NOTCH2: variants seen among roughly 807,000 people sequenced by gnomAD.
NOTCH2 encodes the protein notch receptor 2.
NOTCH2 carries 29 observed loss-of-function variants against 235.8 expected under a neutral mutation model. That is an observed-to-expected ratio of 0.12 (90% CI 0.09 to 0.17). NOTCH2 has a LOEUF of 0.17. NOTCH2 is among the 10% of genes least tolerant of loss of function. The pLI is 1.00. For synonymous variants in NOTCH2, 1,086 were observed against 1,141.5 expected, an observed-to-expected ratio of 0.95 and a Z score of 0.98; for missense variants, 2,285 against 3,150.2, an observed-to-expected ratio of 0.73 and a Z score of 6.57.
intron 22 of NOTCH2, chr1:119,935,117 T>TGG (rs1649801951): frequency 3.4e-6 from 4 of 1,193,002 alleles, no homozygotes; most frequent in Non-Finnish European, 4.2e-6. Flanking sequence ...AGCAGGTAAA[T>TGG]GTAAATTGTT....
intron 22 of NOTCH2, among the ~76,000 whole-genome samples, chr1:119,932,904 C>T (rs781909140): frequency 5.3e-5 from 8 of 152,076 alleles, no homozygotes; most frequent in Non-Finnish European, 4.4e-5. Context: ...AAAATTTGCC[C>T]ACCAGAAGAG....
Position 119,940,581 on chromosome 1 carries a change from G to C in NOTCH2, c.3157C>G (p.Leu1053Val). The C allele has an allele frequency of 1.2e-6, 2 of 1,613,874 alleles. No homozygotes were observed. The highest frequency in any genetic ancestry group is 1.7e-6 in the Non-Finnish European group (2 of 1,179,868). ...GLGTYRCSCP[L>V]GYTGKNCQTL... Reference sequence around the variant, plus strand: ...TGACAGTTTTTCCCAGTGTAGCCCAGGGGGCAGCTGCAGCGGTAGGTACCC... The same window carrying C: ...TGACAGTTTTTCCCAGTGTAGCCCACGGGGCAGCTGCAGCGGTAGGTACCC... The change falls in exon 19 of 34, where the codon CTG becomes GTG. Residue 1053 changes from leucine to valine, a missense_variant. Leu to Val is a conservative substitution (Grantham distance 32). Coordinates refer to ENST00000256646, the MANE Select transcript of NOTCH2 (RefSeq NM_024408.4).
intron 13 of NOTCH2, 32 bp from the exon 14 acceptor site, chr1:119,953,720 G>C: frequency 6.3e-7 from 1 of 1,597,476 alleles, no homozygotes; most frequent in Non-Finnish European, 8.6e-7. Flanking sequence ...TACTATAGGA[G>C]GTATAAACGT....
At chr1:119,917,590 A>G in intron 33 of NOTCH2, 75 bp downstream of exon 33, 1 of 974,634 alleles carries the variant, frequency 1.0e-6, no homozygotes, top group Non-Finnish European at 1.7e-6. Flanking sequence ...GAGAAGCTGT[A>G]AGGAGAAACG....
At chr1:119,981,542 C>T (rs1651812235) in intron 5 of NOTCH2, among the ~76,000 whole-genome samples, 1 of 152,126 alleles carries the variant, frequency 6.6e-6, no homozygotes, top group South Asian at 2.1e-4. Context: ...CTGGATCGTG[C>T]CTGTAACATA....
At position 119,926,588 on chromosome 1, in the gene NOTCH2, C is replaced by T. The variant is rs116408209; in HGVS notation, c.3916G>A (p.Asp1306Asn). 132 of 1,608,484 alleles carry T rather than the reference C, an allele frequency of 8.2e-5. No homozygotes were observed. The highest frequency in any genetic ancestry group is 9.4e-5 in the Non-Finnish European group (111 of 1,176,944). The stretch of plus-strand genomic sequence containing the variant: ...AGGCAGGGCATCTGGGGACACACAT[C>T]GACGAAGGTTTCACAGTGCCGGCCT... ...FTGRHCETFV[D>N]VCPQMPCLNG... The change falls in exon 24 of 34, where the codon GAT (aspartate) becomes AAT (asparagine). Residue 1306 changes from aspartate to asparagine, a missense_variant. Asp to Asn is a conservative substitution (Grantham distance 23, BLOSUM62 1). Coordinates refer to ENST00000256646, the MANE Select transcript of NOTCH2 (RefSeq NM_024408.4).
At position 120,009,674 on chromosome 1, in the gene NOTCH2, C is replaced by A. The variant is rs587671857; in HGVS notation, c.156-4086G>T. On this transcript the variant is annotated intron_variant, in intron 2 of 33. Coordinates refer to ENST00000256646, the MANE Select transcript of NOTCH2 (RefSeq NM_024408.4). ...TCAAGTTCAGTGGTCTCATCTGAAA[C>A]TTCATAAGGAAATTCTCTCTCCTAT... Among the ~76,000 whole-genome samples the A allele has an allele frequency of 8.0e-4, 121 of 151,068 alleles. 1 individual carries two copies. In the East Asian group the frequency reaches 0.022, roughly 27 times the overall value.
At chr1:119,967,295 C>T (rs2101143318) in intron 8 of NOTCH2, 138 bp downstream of exon 8, 1 of 849,384 alleles carries the variant, frequency 1.2e-6, no homozygotes, top group East Asian at 2.4e-5. Flanking sequence ...ACCCTGACTT[C>T]CTCTAGTCCC....
At chr1:120,041,926 G>A (rs2101372013) in intron 1 of NOTCH2, among the ~76,000 whole-genome samples, 1 of 143,770 alleles carries the variant, frequency 7.0e-6, no homozygotes, top group Non-Finnish European at 1.5e-5. Context: ...AAAGAGAGAG[G>A]AAGGAAGCAA....
intron 4 of NOTCH2, among the ~76,000 whole-genome samples, chr1:119,989,229 A>C (rs1034374940): frequency 2.0e-5 from 3 of 152,332 alleles, no homozygotes; most frequent in Admixed American, 2.0e-4. Context: ...GTAAAGATTA[A>C]ACGAATTAGA....
intron 4 of NOTCH2, among the ~76,000 whole-genome samples, chr1:119,989,147 T>C (rs998052686): frequency 2.0e-5 from 3 of 152,186 alleles, no homozygotes; most frequent in African/African-American, 7.2e-5. Context: ...TGCCATGCAA[T>C]AGCTGAGTGA....
At chr1:119,919,194 C>T in intron 31 of NOTCH2, 118 bp downstream of exon 31, 1 of 1,136,846 alleles carries the variant, frequency 8.8e-7, no homozygotes, top group Non-Finnish European at 1.3e-6. Context: ...ACTCTAATAC[C>T]TGCCCTAATC....
At chr1:120,025,203 C>T (rs1320190725) in intron 2 of NOTCH2, among the ~76,000 whole-genome samples, 4 of 150,054 alleles carry the variant, frequency 2.7e-5, no homozygotes, top group African/African-American at 9.8e-5. Flanking sequence ...TACAACTCTG[C>T]TCAAATCCTT....
At chr1:119,998,002 C>T (rs1211151926) in intron 3 of NOTCH2, among the ~76,000 whole-genome samples, 2 of 149,660 alleles carry the variant, frequency 1.3e-5, no homozygotes, top group Non-Finnish European at 3.0e-5. Flanking sequence ...ATCAACTTCC[C>T]TTCTGTTTTC....
intron 2 of NOTCH2, among the ~76,000 whole-genome samples, chr1:120,027,741 C>T (rs1188633676): frequency 6.7e-6 from 1 of 149,662 alleles, no homozygotes; most frequent in Non-Finnish European, 1.5e-5. Flanking sequence ...GTTTTCTGTT[C>T]CTGTGTTAGT....
Position 119,986,994 on chromosome 1 carries a change from G to A in NOTCH2, c.840C>T (p.Asn280=), listed in dbSNP as rs1186673685. 3.7e-6 allele frequency: 6 copies of A among 1,613,568 alleles called. No individual in the cohort carries two copies. The African/African-American group carries it at 6.7e-5, about 18-fold the overall frequency. ...QNGGVCVDGV[N]TYNCRCPPQW... Reference sequence around the variant, plus strand: ...GTGGGGGACAGCGGCAGTTGTAAGTGTTGACCCCATCCACACAAACCCCTC... The same window carrying A: ...GTGGGGGACAGCGGCAGTTGTAAGTATTGACCCCATCCACACAAACCCCTC... Residue 280 remains asparagine, a synonymous_variant, in exon 5 of 34, where the codon AAC becomes AAT. Transcript: ENST00000256646.
At position 119,967,614 on chromosome 1, in the gene NOTCH2, G is replaced by A; in HGVS notation, c.1272C>T (p.Ser424=). The A allele has an allele frequency of 6.2e-7, 1 of 1,614,020 alleles. No homozygotes were observed. The highest frequency in any genetic ancestry group is 8.5e-7 in the Non-Finnish European group (1 of 1,179,906). ...EDVDECAMAN[S]NPCEHAGKCV... The stretch of plus-strand genomic sequence containing the variant: ...ATTTTCCTGCATGCTCACAAGGATT[G>A]CTATTGGCTGAAAGACACAAGTACC... The change falls in exon 8 of 34, where the codon AGC becomes AGT. Residue 424 remains serine (S), a synonymous_variant. Coordinates refer to ENST00000256646, the MANE Select transcript of NOTCH2 (RefSeq NM_024408.4).
rs1222808557 is a variant in NOTCH2, at chr1:119,914,822, G to A, written c.*484C>T. Reference sequence around the variant, plus strand: ...CTGGTAGGGCTACAATCACGGAGAGGTGCAAAACCAAAAGCACCAAATGAA... The same window carrying A: ...CTGGTAGGGCTACAATCACGGAGAGATGCAAAACCAAAAGCACCAAATGAA... On this transcript the variant is annotated 3_prime_UTR_variant, in exon 34 of 34. Transcript: ENST00000256646. The A allele has an allele frequency of 3.2e-6, 1 of 307,962 alleles. No homozygotes were observed. Among genetic ancestry groups the A allele is most frequent in the East Asian group, 4.9e-5 (1 of 20,608 alleles). 19.1% of individuals were successfully genotyped at this position (307,962 alleles called of 1,614,324 possible). A position where few individuals can be genotyped will look rare whatever the true frequency, so the allele number is the denominator to read the frequency against.
rs781994761 is a variant in NOTCH2, at chr1:119,950,764, G to A, written c.2439C>T (p.Asp813=). 35 of 1,613,966 alleles carry A rather than the reference G, an allele frequency of 2.2e-5. No individual in the cohort carries two copies. Among genetic ancestry groups the A allele is most frequent in the Admixed American group, 3.3e-5 (2 of 60,016 alleles). Residue 813 remains aspartate, a synonymous_variant, in exon 15 of 34, where the codon GAC becomes GAT. Transcript: ENST00000256646. ...CACAGTGGCAAGTGTAGCCACTTATGTCATCAAAGCAGGTTCCTTGGTTCA... is the reference window on the plus strand; with the variant it reads ...CACAGTGGCAAGTGTAGCCACTTATATCATCAAAGCAGGTTCCTTGGTTCA... ...PCLNQGTCFD[D]ISGYTCHCVL...
Sources: gnomAD v4.1 joint callset for allele counts (sites outside exome capture counted in the v4.1 genomes callset) on GRCh38, gnomAD v4.1.1 for gene constraint, MANE v1.5 for transcripts, NCBI Gene and HGNC (gene_info 2026-07-23, HGNC 2026-07-21) for gene names.